Variants in ITGBL1 observed in about 807,000 individuals in gnomAD.
ITGBL1 encodes integrin subunit beta like 1.
In ITGBL1, 51 loss-of-function variants were observed where a neutral mutation model predicts 68.5. That is an observed-to-expected ratio of 0.74 (90% CI 0.59 to 0.94). The LOEUF (loss-of-function observed/expected upper bound fraction) is 0.94, where lower values mean the gene tolerates loss of function less well. ITGBL1 is among the 40% of genes least tolerant of loss of function. ITGBL1 has a pLI of 0.00. For missense variants in ITGBL1, 649 were observed against 647.4 expected, an observed-to-expected ratio of 1.00 and a Z score of -0.03; for synonymous variants, 209 against 227.3, an observed-to-expected ratio of 0.92 and a Z score of 0.72.
chr13:101,459,425 T>C (rs2048288239), intron 2 of ITGBL1, among the ~76,000 whole-genome samples: 1 of 152,238 alleles, frequency 6.6e-6, no homozygotes, highest in African/African-American at 2.4e-5. Flanking sequence ...ATCCTTTATA[T>C]ACTTCTACAT....
intron 7 of ITGBL1, among the ~76,000 whole-genome samples, chr13:101,627,042 T>A (rs766040210): frequency 1.4e-4 from 22 of 152,190 alleles, no homozygotes; most frequent in Non-Finnish European, 1.0e-4. Flanking sequence ...CTCCTTCATC[T>A]TGTCTGCAAA....
intron 7 of ITGBL1, among the ~76,000 whole-genome samples, chr13:101,668,133 A>T (rs1456359391): frequency 6.6e-6 from 1 of 152,200 alleles, no homozygotes; most frequent in Admixed American, 6.5e-5. Context: ...CATGCCTGTA[A>T]TCCTAGCACT....
At chr13:101,550,608 A>G (rs1303310304) in intron 2 of ITGBL1, among the ~76,000 whole-genome samples, 1 of 152,168 alleles carries the variant, frequency 6.6e-6, no homozygotes, top group Non-Finnish European at 1.5e-5. Context: ...GTAAGGTGAA[A>G]TCTAATCCCA....
intron 2 of ITGBL1, among the ~76,000 whole-genome samples, chr13:101,554,176 C>T (rs1174630165): frequency 3.3e-5 from 5 of 152,154 alleles, no homozygotes; most frequent in Non-Finnish European, 7.4e-5. Context: ...ACCCTATTTC[C>T]AAATAAGGTT....
intron 7 of ITGBL1, among the ~76,000 whole-genome samples, chr13:101,605,957 TATAC>T (rs2030810749): frequency 6.8e-6 from 1 of 148,080 alleles, no homozygotes; most frequent in Admixed American, 6.8e-5. Context: ...TATATACACA[TATAC>T]ACATATATAT....
chr13:101,544,589 A>G (rs1004776819), intron 2 of ITGBL1, among the ~76,000 whole-genome samples: 24 of 152,186 alleles, frequency 1.6e-4, no homozygotes, highest in Non-Finnish European at 1.5e-5. Context: ...GCTATCAGAC[A>G]GGGACATTTA....
rs894048841 is a variant in ITGBL1 at position 101,539,760 on chromosome 13, G to T, written c.317-27939G>T. 8.6e-5 allele frequency among the ~76,000 whole-genome samples: 13 copies of T among 151,704 alleles called. 1 individual carries two copies. The East Asian group carries it at 2.5e-3, about 29-fold the overall frequency. Reference sequence around the variant, plus strand: ...ATTGCCATTCTAACTGGTGTGAGATGGTATCTCATTGTGGTTTTGATTTGC... The same window carrying T: ...ATTGCCATTCTAACTGGTGTGAGATTGTATCTCATTGTGGTTTTGATTTGC... On this transcript the variant is annotated intron_variant, in intron 2 of 10. Transcript: ENST00000376180.
At chr13:101,697,718 A>G (rs2034035751) in intron 8 of ITGBL1, among the ~76,000 whole-genome samples, 1 of 152,216 alleles carries the variant, frequency 6.6e-6, no homozygotes, top group African/African-American at 2.4e-5. Context: ...CAATAAGGAT[A>G]ATAATCCATT....
At chr13:101,701,772 A>G (rs566223443) in intron 8 of ITGBL1, among the ~76,000 whole-genome samples, 148 of 152,242 alleles carry the variant, frequency 9.7e-4, no homozygotes, top group African/African-American at 3.4e-3. Context: ...TTTCACTTAT[A>G]TAGGTACCTA....
chr13:101,639,768 C>G (rs2032301993), intron 7 of ITGBL1, among the ~76,000 whole-genome samples: 1 of 152,144 alleles, frequency 6.6e-6, no homozygotes, highest in Admixed American at 6.6e-5. Flanking sequence ...GTGGTTGCTT[C>G]TCCTCTAAAA....
chr13:101,627,620 C>A (rs957177137), intron 7 of ITGBL1, among the ~76,000 whole-genome samples: 1 of 152,106 alleles, frequency 6.6e-6, no homozygotes, highest in African/African-American at 2.4e-5. Flanking sequence ...ACCTGTTCAC[C>A]CCTCTCTCCC....
chr13:101,521,294 G>A (rs1317495754), intron 2 of ITGBL1, among the ~76,000 whole-genome samples: 2 of 152,178 alleles, frequency 1.3e-5, no homozygotes, highest in East Asian at 3.9e-4. Flanking sequence ...GAAAATCTCT[G>A]CTTACATGCA....
intron 9 of ITGBL1, among the ~76,000 whole-genome samples, chr13:101,709,343 G>A (rs556770750): frequency 7.7e-6 from 1 of 130,558 alleles, no homozygotes; most frequent in African/African-American, 3.0e-5. Context: ...CCGCAGTCCG[G>A]CCTGGGTGAC....
At chr13:101,499,275 C>T (rs2048904198) in intron 2 of ITGBL1, among the ~76,000 whole-genome samples, 1 of 152,148 alleles carries the variant, frequency 6.6e-6, no homozygotes, top group Non-Finnish European at 1.5e-5. Context: ...AAACTTTATC[C>T]TAGTTATCAA....
At chr13:101,570,436 G>C (rs1042954872) in intron 3 of ITGBL1, among the ~76,000 whole-genome samples, 1 of 152,136 alleles carries the variant, frequency 6.6e-6, no homozygotes, top group Admixed American at 6.6e-5. Context: ...ATTCCTTTTA[G>C]TGAAAATGGT....
At chr13:101,572,720 C>G (rs2050292911) in intron 3 of ITGBL1, among the ~76,000 whole-genome samples, 1 of 152,064 alleles carries the variant, frequency 6.6e-6, no homozygotes, top group Non-Finnish European at 1.5e-5. Context: ...CTTCCCACAT[C>G]AGCCGGGAAT....
chr13:101,538,532 T>G (rs1348111999), intron 2 of ITGBL1, among the ~76,000 whole-genome samples: 4 of 152,120 alleles, frequency 2.6e-5, no homozygotes, highest in Non-Finnish European at 4.4e-5. Context: ...GAAGATTGGA[T>G]TTTTTAAATT....
At chr13:101,640,538 G>A (rs138748261) in intron 7 of ITGBL1, among the ~76,000 whole-genome samples, 231 of 152,102 alleles carry the variant, frequency 1.5e-3, no homozygotes, top group Admixed American at 3.9e-3. Context: ...TTACCTTTTA[G>A]GATAAAATTA....
chr13:101,504,151 A>T (rs986071), intron 2 of ITGBL1, among the ~76,000 whole-genome samples: 1 of 152,130 alleles, frequency 6.6e-6, no homozygotes, highest in African/African-American at 2.4e-5. Context: ...CTTTATAAAC[A>T]TATATTTCCA....
Sources: gnomAD v4.1 joint callset for allele counts (sites outside exome capture counted in the v4.1 genomes callset) on GRCh38, gnomAD v4.1.1 for gene constraint, MANE v1.5 for transcripts, NCBI Gene and HGNC (gene_info 2026-07-23, HGNC 2026-07-21) for gene names.